The following SEMA3A variants were observed in gnomAD, a reference collection of about 807,000 sequenced individuals.
The protein encoded by SEMA3A is semaphorin-3A.
Under a neutral mutation model 97.9 loss-of-function variants are expected in SEMA3A, and 29 were observed. That is an observed-to-expected ratio of 0.30 (90% CI 0.22 to 0.40). SEMA3A has a LOEUF of 0.40. Ranked by LOEUF, SEMA3A falls within the 10% of genes least tolerant of loss-of-function variation. The pLI is 1.00. For missense variants in SEMA3A, 763 were observed against 951.3 expected, an observed-to-expected ratio of 0.80 and a Z score of 2.60; for synonymous variants, 321 against 323.7, an observed-to-expected ratio of 0.99 and a Z score of 0.09.
chr7:84,245,915 G>A (rs909031828), intron 3 of SEMA3A, among the ~76,000 whole-genome samples: 4 of 152,140 alleles, frequency 2.6e-5, no homozygotes, highest in African/African-American at 9.7e-5. Flanking sequence ...TTCAGAGCAG[G>A]CAGGCAGGAA....
intron 3 of SEMA3A, among the ~76,000 whole-genome samples, chr7:84,264,827 A>G (rs1021581023): frequency 6.6e-6 from 1 of 152,172 alleles, no homozygotes; most frequent in Non-Finnish European, 1.5e-5. Context: ...TCCTGTAAGT[A>G]ATCCTGGGTC....
chr7:84,462,039 T>C (rs1196521732), intron 1 of SEMA3A, among the ~76,000 whole-genome samples: 4 of 152,144 alleles, frequency 2.6e-5, no homozygotes, highest in Admixed American at 1.3e-4. Context: ...CTCTTTTTGA[T>C]ATTTTTAAAC....
At chr7:84,297,134 T>C (rs1488586268) in intron 3 of SEMA3A, among the ~76,000 whole-genome samples, 1 of 152,094 alleles carries the variant, frequency 6.6e-6, no homozygotes, top group Non-Finnish European at 1.5e-5. Flanking sequence ...TGCGCCACCA[T>C]GCCCGGCTAA....
At chr7:84,456,999 C>T (rs891233780) in intron 1 of SEMA3A, among the ~76,000 whole-genome samples, 1 of 151,644 alleles carries the variant, frequency 6.6e-6, no homozygotes, top group Non-Finnish European at 1.5e-5. Context: ...AGCAAGCATA[C>T]TGCTTTGGGT....
chr7:84,245,673 A>G lies in SEMA3A; in HGVS notation c.-82-51005T>C, dbSNP rs536206867. ...TCCAGACCCTGTTTGCCTGGGTAGCACCAGTGGAGGCTGCAGAACAGCAAA... is the reference window on the plus strand; with the variant it reads ...TCCAGACCCTGTTTGCCTGGGTAGCGCCAGTGGAGGCTGCAGAACAGCAAA... On this transcript the variant is annotated intron_variant, in intron 3 of 3. Coordinates refer to the SEMA3A transcript ENST00000424555. Among the ~76,000 whole-genome samples, 172 of 152,008 alleles carry G rather than the reference A, an allele frequency of 1.1e-3. No homozygotes were observed. The Middle Eastern group carries it at 0.014, about 12-fold the overall frequency.
rs141053451 is a variant in SEMA3A at position 84,422,874 on chromosome 7, G to A, written c.-245-50974C>T. Among the ~76,000 whole-genome samples, 116 of 152,052 alleles carry A rather than the reference G, an allele frequency of 7.6e-4. 1 individual carries two copies. Among genetic ancestry groups the A allele is most frequent in the African/African-American group, 2.7e-3 (114 of 41,520 alleles). On this transcript the variant is annotated intron_variant, in intron 1 of 3. Coordinates refer to the SEMA3A transcript ENST00000424555. ...GAATGTCAATTGTAATCCCTATAGG[G>A]ACCAAAGAAATGTATCTCTAAAGTA...
At chr7:84,425,866 ACACACACACACC>A (rs370809663) in intron 1 of SEMA3A, among the ~76,000 whole-genome samples, 3,840 of 119,880 alleles carry the variant, frequency 0.032, 164 homozygotes, top group African/African-American at 0.12. Flanking sequence ...ACACACACAC[ACACACACACACC>A]CACACACACA....
Position 83,956,610 on chromosome 7 carries a change from C to G in SEMA3A, c.*4761G>C, listed in dbSNP as rs1011178763. 1.3e-5 allele frequency: 2 copies of G among 151,950 alleles called. No individual in the cohort carries two copies. Among genetic ancestry groups the G allele is most frequent in the African/African-American group, 4.8e-5 (2 of 41,364 alleles). 9.4% of individuals were successfully genotyped at this position (151,950 alleles called of 1,614,324 possible). A position where few individuals can be genotyped will look rare whatever the true frequency, so the allele number is the denominator to read the frequency against. On this transcript the variant is annotated 3_prime_UTR_variant, in exon 17 of 17. Transcript: ENST00000265362. The stretch of plus-strand genomic sequence containing the variant: ...AATGTGTGACATATGACAGTCTGTG[C>G]CAAGGATGCGAATGTGGGGTACAAA...
intron 1 of SEMA3A, among the ~76,000 whole-genome samples, chr7:84,423,750 T>C (rs1362714520): frequency 6.6e-6 from 1 of 151,846 alleles, no homozygotes; most frequent in Non-Finnish European, 1.5e-5. Flanking sequence ...TTGCCAACTA[T>C]ACATCCAACG....
chr7:84,477,438 CAAAAAAAAAAAAA>C (rs11335984), intron 1 of SEMA3A, among the ~76,000 whole-genome samples: 4 of 42,396 alleles, frequency 9.4e-5, no homozygotes, highest in East Asian at 1.1e-3. Flanking sequence ...GACTCTGTCT[CAAAAAAAAAAAAA>C]AAAAAAAAAA....
At chr7:84,446,124 G>C (rs979464685) in intron 1 of SEMA3A, among the ~76,000 whole-genome samples, 18 of 152,202 alleles carry the variant, frequency 1.2e-4, no homozygotes, top group African/African-American at 4.3e-4. Flanking sequence ...CATACTCCTA[G>C]AAACAAATAT....
At chr7:84,110,693 C>A in intron 3 of SEMA3A, 104 bp from the exon 4 acceptor site, 8 of 1,057,714 alleles carry the variant, frequency 7.6e-6, no homozygotes, top group African/African-American at 1.7e-5. Context: ...TGTTTTCTTT[C>A]TTTTTTTTTT....
At chr7:84,323,610 T>TA (rs142340554) in intron 2 of SEMA3A, among the ~76,000 whole-genome samples, 1,864 of 150,890 alleles carry the variant, frequency 0.012, 32 homozygotes, top group African/African-American at 0.042. Context: ...AGTATAAAAT[T>TA]AAAAAAAAAT....
chr7:84,240,784 T>G (rs997887000), intron 3 of SEMA3A, among the ~76,000 whole-genome samples: 16 of 152,086 alleles, frequency 1.1e-4, no homozygotes, highest in Non-Finnish European at 5.9e-5. Context: ...GGCCCCTGTG[T>G]GTGATGTCCC....
intron 1 of SEMA3A, among the ~76,000 whole-genome samples, chr7:84,395,356 AG>A (rs770321794): frequency 1.6e-5 from 2 of 127,926 alleles, no homozygotes; most frequent in Middle Eastern, 3.5e-3. Context: ...AGAAACCCAT[AG>A]GAAAAAAAAA....
At chr7:84,091,218 A>AAAG (rs1396584593) in intron 4 of SEMA3A, among the ~76,000 whole-genome samples, 1 of 79,554 alleles carries the variant, frequency 1.3e-5, no homozygotes, top group African/African-American at 4.3e-5. Context: ...GAAAGAAAAG[A>AAAG]AAAGAAAGAA....
intron 1 of SEMA3A, among the ~76,000 whole-genome samples, chr7:84,140,001 C>G (rs1192708518): frequency 2.0e-5 from 3 of 151,760 alleles, no homozygotes; most frequent in Non-Finnish European, 2.9e-5. Context: ...TAAAAAGAAG[C>G]ATTTGAAGGG....
intron 3 of SEMA3A, among the ~76,000 whole-genome samples, chr7:84,215,312 A>G (rs1798723365): frequency 1.3e-5 from 2 of 151,082 alleles, no homozygotes. Flanking sequence ...CAGCCTCCTG[A>G]GTAGCTGGAA....
At chr7:84,334,658 A>AC (rs1801992841) in intron 2 of SEMA3A, among the ~76,000 whole-genome samples, 2 of 120,008 alleles carry the variant, frequency 1.7e-5, no homozygotes, top group African/African-American at 6.5e-5. Flanking sequence ...CCTCCTGGTC[A>AC]CCCCCATGTT....
Sources: allele counts gnomAD v4.1 joint callset (sites outside exome capture counted in the v4.1 genomes callset), GRCh38; gene constraint gnomAD v4.1.1; transcripts MANE v1.5; gene names NCBI Gene and HGNC (gene_info 2026-07-23, HGNC 2026-07-21).